RPL11: variants seen among roughly 807,000 people sequenced by gnomAD.
RPL11 encodes the protein large ribosomal subunit protein uL5.
Under a neutral mutation model 24.1 loss-of-function variants are expected in RPL11, and 3 were observed. The ratio of observed to expected loss-of-function variants is 0.12; its 90% confidence interval spans 0.06 to 0.32. The LOEUF is 0.32. Among genes scored for constraint, RPL11 ranks in the 10% least tolerant of loss-of-function variants. The pLI, the probability that RPL11 is intolerant of heterozygous loss-of-function variation, is 1.00. For synonymous variants in RPL11, 96 were observed against 75.7 expected (o/e 1.27, Z -1.39); for missense variants, 146 against 225.7 (o/e 0.65, Z 2.26).
intron 4 of RPL11, chr1:23,695,212 G>A (rs577409954): frequency 1.1e-4 from 34 of 314,582 alleles, no homozygotes; most frequent in African/African-American, 6.9e-4. Flanking sequence ...CTCAGGAAGG[G>A]GGTTTTAACA....
Position 23,694,728 on chromosome 1 carries a change from A to G in RPL11, c.333A>G (p.Glu111=), listed in dbSNP as rs1476109497. 6.2e-7 allele frequency: 1 copy of G among 1,614,192 alleles called. No individual in the cohort carries two copies. Among genetic ancestry groups the G allele is most frequent in the Non-Finnish European group, 8.5e-7 (1 of 1,180,020 alleles). ...DTGNFGFGIQ[E]HIDLGIKYDP... ...GAAACTTTGGTTTTGGGATCCAGGA[A>G]CACATCGATCTGGGTATCAAATATG... Residue 111 remains glutamate, a synonymous_variant, in exon 4 of 6, where the codon GAA becomes GAG. Coordinates refer to ENST00000643754, the MANE Select transcript of RPL11 (RefSeq NM_000975.5).
At chr1:23,695,152 C>T (rs1353354764) in intron 4 of RPL11, 2 of 367,372 alleles carry the variant, frequency 5.4e-6, no homozygotes, top group African/African-American at 4.2e-5. Flanking sequence ...TGAGGCTGTT[C>T]TCCCCCTGGT....
In RPL11 at chr1:23,695,838, G is replaced by C; in HGVS notation, c.437G>C (p.Arg146Pro). The change falls in exon 5 of 6, where the codon CGC (arginine) becomes CCC (proline). Residue 146 changes from arginine to proline, a missense_variant. By Grantham distance (103) the Arg-to-Pro change is moderately radical. Coordinates refer to ENST00000643754, the MANE Select transcript of RPL11 (RefSeq NM_000975.5). ...RPGFSIADKKRRTGCIGAKHR... is the reference protein window; with the variant it reads ...RPGFSIADKKPRTGCIGAKHR... ...GGTTTCAGCATCGCAGACAAGAAGC[G>C]CAGGACAGGCTGCATTGGGGCCAAA... 1.9e-6 allele frequency: 3 copies of C among 1,600,962 alleles called. No individual in the cohort carries two copies. The highest frequency in any genetic ancestry group is 2.6e-6 in the Non-Finnish European group (3 of 1,174,092).
chr1:23,695,127 G>T (rs146285762), intron 4 of RPL11: 29 of 388,154 alleles, frequency 7.5e-5, no homozygotes, highest in African/African-American at 5.4e-4. Flanking sequence ...TGGCCTATGG[G>T]TTGGTTGGCT....
At position 23,694,732 on chromosome 1, in the gene RPL11, A is replaced by G. The variant is rs2124431071; in HGVS notation, c.337A>G (p.Ile113Val). The G allele has an allele frequency of 6.2e-7, 1 of 1,614,182 alleles. No homozygotes were observed. The highest frequency in any genetic ancestry group is 8.5e-7 in the Non-Finnish European group (1 of 1,180,028). ...CTTTGGTTTTGGGATCCAGGAACACATCGATCTGGGTATCAAATATGACCC... is the reference window on the plus strand; with the variant it reads ...CTTTGGTTTTGGGATCCAGGAACACGTCGATCTGGGTATCAAATATGACCC... ...GNFGFGIQEH[I>V]DLGIKYDPSI... Residue 113 changes from isoleucine (I) to valine (V), a missense_variant, in exon 4 of 6, where the codon ATC (isoleucine) becomes GTC (valine). By Grantham distance (29) the Ile-to-Val change is conservative. Coordinates refer to ENST00000643754, the MANE Select transcript of RPL11 (RefSeq NM_000975.5).
rs1029840497 is a variant in RPL11 at position 23,696,451 on chromosome 1, T to C, written c.*78T>C. The C allele has an allele frequency of 3.0e-5, 44 of 1,463,694 alleles. No individual in the cohort carries two copies. Among genetic ancestry groups the C allele is most frequent in the Non-Finnish European group, 4.0e-5 (42 of 1,046,636 alleles). 90.7% of individuals were successfully genotyped at this position (1,463,694 alleles called of 1,614,324 possible). A position where few individuals can be genotyped will look rare whatever the true frequency, so the allele number is the denominator to read the frequency against. On this transcript the variant is annotated 3_prime_UTR_variant, in exon 6 of 6. Coordinates refer to ENST00000643754, the MANE Select transcript of RPL11 (RefSeq NM_000975.5). ...TTCTGTTGTGTGTTCTGTGAAAGGATCCTGGCCATATTCAAGTCCTTGGAC... is the reference window on the plus strand; with the variant it reads ...TTCTGTTGTGTGTTCTGTGAAAGGACCCTGGCCATATTCAAGTCCTTGGAC...
rs1644534131 is a variant in RPL11, at chr1:23,696,599, C to A, written c.*226C>A. On this transcript the variant is annotated 3_prime_UTR_variant, in exon 6 of 6. Transcript: ENST00000643754. ...CATAGCATTCATTGCCTGTGCTTGC[C>A]ACACCTTGGTTGATGTGCTGTGGTG... is the stretch of plus-strand genomic sequence containing the variant. 1.6e-6 allele frequency: 1 copy of A among 607,702 alleles called. No homozygotes were observed. 37.6% of individuals were successfully genotyped at this position (607,702 alleles called of 1,614,324 possible).
rs1644530660 is a variant in RPL11 at position 23,695,980 on chromosome 1, A to G, written c.507+72A>G. On this transcript the variant is annotated intron_variant, in intron 5 of 5. Coordinates refer to ENST00000643754, the MANE Select transcript of RPL11 (RefSeq NM_000975.5). ...GAATGGAGTTGGGATTTGGGGATGC[A>G]AAATATAGTACTATTTGCTGGGTAT... is the stretch of plus-strand genomic sequence containing the variant. 11 of 1,372,866 alleles carry G rather than the reference A, an allele frequency of 8.0e-6. No individual in the cohort carries two copies. The Admixed American group carries it at 2.2e-4, about 27-fold the overall frequency. 85.0% of individuals were successfully genotyped at this position (1,372,866 alleles called of 1,614,324 possible).
rs187522961 is a variant in RPL11 at position 23,693,095 on chromosome 1, G to A, written c.157+336G>A. Among the ~76,000 whole-genome samples the A allele has an allele frequency of 8.6e-3, 1,302 of 152,252 alleles. 7 individuals carry two copies. The highest frequency in any genetic ancestry group is 0.02 in the Middle Eastern group (6 of 294). ...GTTAGGGTTATATAGGCTGCATTAA[G>A]AACAGGGCTGTACGGGAGCATGAGG... On this transcript the variant is annotated intron_variant, in intron 2 of 5. Coordinates refer to ENST00000643754, the MANE Select transcript of RPL11 (RefSeq NM_000975.5).
intron 1 of RPL11, 60 bp from the exon 2 acceptor site, chr1:23,692,549 G>A (rs1570566435): frequency 1.4e-5 from 22 of 1,603,368 alleles, no homozygotes; most frequent in Non-Finnish European, 1.6e-5. Context: ...CAGATAGAAA[G>A]TAGTAAAACT....
rs191167665 is a variant in RPL11 at position 23,692,299 on chromosome 1, C to T, written c.7-310C>T. 898 of 434,598 alleles carry T rather than the reference C, an allele frequency of 2.1e-3. 9 individuals carry two copies. The highest frequency in any genetic ancestry group is 0.011 in the African/African-American group (564 of 50,238). 26.9% of individuals were successfully genotyped at this position (434,598 alleles called of 1,614,324 possible). On this transcript the variant is annotated intron_variant, in intron 1 of 5. Transcript: ENST00000643754. ...AAGTTCTGTTTCTTCGCTCACTCCC[C>T]TTAGTTGGCCTTACAATGGGGGCGC...
Position 23,692,731 on chromosome 1 carries a change from C to T in RPL11, c.129C>T (p.Leu43=). The change falls in exon 2 of 6, where the codon CTC becomes CTT. Residue 43 remains leucine, a synonymous_variant. Transcript: ENST00000643754. ...GAGCAGCCAAGGTGTTGGAGCAGCT[C>T]ACAGGGCAGACCCCTGTGTTTTCCA... ...LTRAAKVLEQ[L]TGQTPVFSKA... 6.2e-7 allele frequency: 1 copy of T among 1,613,936 alleles called. No individual in the cohort carries two copies. Among genetic ancestry groups the T allele is most frequent in the Non-Finnish European group, 8.5e-7 (1 of 1,179,994 alleles).
At chr1:23,692,420 C>T (rs1197374157) in intron 1 of RPL11, 189 bp from the exon 2 acceptor site, 2 of 644,302 alleles carry the variant, frequency 3.1e-6, no homozygotes, top group Non-Finnish European at 2.7e-6. Flanking sequence ...CCGTTCCGTT[C>T]GTGGAGGAAG....
At chr1:23,692,166 G>A (rs1644504414) in intron 1 of RPL11, 5 of 505,438 alleles carry the variant, frequency 9.9e-6, no homozygotes, top group East Asian at 3.6e-5. Context: ...TCGGTGCTAG[G>A]AAACCTTAGT....
intron 2 of RPL11, 60 bp downstream of exon 2, chr1:23,692,819 T>A: frequency 2.5e-6 from 4 of 1,604,802 alleles, no homozygotes; most frequent in Non-Finnish European, 3.4e-6. Flanking sequence ...TGTTTCTTGA[T>A]TTACCTGCTG....
chr1:23,692,001 T>A (rs1047389313), intron 1 of RPL11, 172 bp downstream of exon 1: 1 of 887,662 alleles, frequency 1.1e-6, no homozygotes, highest in African/African-American at 1.7e-5. Context: ...ATTCTGTCAC[T>A]TTCCCTGCCA....
In RPL11 at chr1:23,696,476, C is replaced by A; in HGVS notation, c.*103C>A. 1 of 1,181,166 alleles carries A rather than the reference C, an allele frequency of 8.5e-7. No individual in the cohort carries two copies. Among genetic ancestry groups the A allele is most frequent in the Non-Finnish European group, 1.3e-6 (1 of 796,010 alleles). The allele number at this position is 1,181,166 out of a possible 1,614,324, so 73.2% of individuals were successfully genotyped here. On this transcript the variant is annotated 3_prime_UTR_variant, in exon 6 of 6. Transcript: ENST00000643754. ...TCCTGGCCATATTCAAGTCCTTGGA[C>A]CTCAAGCCACTTAAAGCTTCGATGG...
chr1:23,693,922 A>G lies in RPL11; in HGVS notation c.264+9A>G. ...TGGAGAAGGGTCTAAAGGTGAGCCT[A>G]ATCCCCTAATGGAGTGATATTGATC... On this transcript the variant is annotated intron_variant, in intron 3 of 5. Coordinates refer to ENST00000643754, the MANE Select transcript of RPL11 (RefSeq NM_000975.5). 2 of 1,596,244 alleles carry G rather than the reference A, an allele frequency of 1.3e-6. No individual in the cohort carries two copies. The highest frequency in any genetic ancestry group is 1.1e-5 in the South Asian group (1 of 90,736).
chr1:23,691,982 C>T (rs528021060), intron 1 of RPL11, 153 bp downstream of exon 1: 54 of 1,047,140 alleles, frequency 5.2e-5, no homozygotes, highest in Non-Finnish European at 8.0e-5. Context: ...GCCAAGGACG[C>T]AGGGTTGAAT....
Sources: allele counts gnomAD v4.1 joint callset (sites outside exome capture counted in the v4.1 genomes callset), GRCh38; gene constraint gnomAD v4.1.1; transcripts MANE v1.5; gene names NCBI Gene and HGNC (gene_info 2026-07-23, HGNC 2026-07-21).